Variants in CDC42BPB observed in about 807,000 individuals in gnomAD.
The protein encoded by CDC42BPB is serine/threonine-protein kinase MRCK beta.
CDC42BPB carries 37 observed loss-of-function variants against 214.9 expected under a neutral mutation model. The ratio of observed to expected loss-of-function variants is 0.17; its 90% CI spans 0.13 to 0.23. The LOEUF (loss-of-function observed/expected upper bound fraction) is 0.23. CDC42BPB is among the 10% of genes least tolerant of loss of function. CDC42BPB has a pLI of 1.00. For missense variants in CDC42BPB, 1,694 were observed against 2,227.0 expected, an observed-to-expected ratio of 0.76 and a Z score of 4.82; for synonymous variants, 931 against 884.0, an observed-to-expected ratio of 1.05 and a Z score of -0.94.
In CDC42BPB at chr14:103,055,358, G is replaced by A. The variant is rs189518246; in HGVS notation, c.175+1641C>T. Among the ~76,000 whole-genome samples the A allele has an allele frequency of 2.6e-3, 399 of 152,334 alleles. 1 individual carries two copies. Among genetic ancestry groups the A allele is most frequent in the Admixed American group, 5.3e-3 (81 of 15,294 alleles). ...GAATTACTTGAACCCAGGAGATGGA[G>A]GTTGTAGTGAGCCAAGATCATGCCA... On this transcript the variant is annotated intron_variant, in intron 1 of 36. Coordinates refer to ENST00000361246, the MANE Select transcript of CDC42BPB (RefSeq NM_006035.4).
chr14:102,956,431 G>T, intron 21 of CDC42BPB: 2 of 984,394 alleles, frequency 2.0e-6, no homozygotes, highest in South Asian at 4.7e-5. Flanking sequence ...GGGATAAGAA[G>T]TTTCTCAAAG....
At chr14:102,983,875 TG>T (rs1894118729) in intron 6 of CDC42BPB, 119 bp from the exon 7 acceptor site, 7 of 1,459,208 alleles carry the variant, frequency 4.8e-6, no homozygotes, top group Non-Finnish European at 6.3e-6. Context: ...ATAAAACTGA[TG>T]AATGATCGTG....
intron 1 of CDC42BPB, among the ~76,000 whole-genome samples, chr14:103,050,586 C>T (rs560904855): frequency 1.3e-5 from 2 of 152,034 alleles, no homozygotes; most frequent in African/African-American, 4.8e-5. Flanking sequence ...AGCAAGACCT[C>T]GTTTCCACAA....
rs759397523 is a variant in CDC42BPB, at chr14:103,008,532, A to G, written c.291T>C (p.Asn97=). ...FGEVAVVKMK[N]TERIYAMKIL... ...TTTTCATTGCATAAATTCGTTCAGT[A>G]TTCTTCATTTTGACAACAGCAACCT... Residue 97 remains asparagine (N), a synonymous_variant, in exon 3 of 37, where the codon AAT becomes AAC. Transcript: ENST00000361246. 1 of 1,612,392 alleles carries G rather than the reference A, an allele frequency of 6.2e-7. No homozygotes were observed. Among genetic ancestry groups the G allele is most frequent in the Non-Finnish European group, 8.5e-7 (1 of 1,178,368 alleles).
rs530300961 is a variant in CDC42BPB, at chr14:102,975,719, T to G, written c.1472A>C (p.Asn491Thr). Residue 491 changes from asparagine (N) to threonine (T), a missense_variant, in exon 11 of 37, where the codon AAT becomes ACT. This residue lies in a region of CDC42BPB where 462 missense variants were observed against 513.5 expected (regional missense o/e 0.90). Transcript: ENST00000361246. ...ATTCTTCAAGCGTTCGATTTCTTCA[T>G]TTAGCTTTTTGATTTCTTTATCTCG... ...SNRDKEIKKL[N>T]EEIERLKNKI... The G allele has an allele frequency of 1.5e-5, 25 of 1,613,910 alleles. No homozygotes were observed. The highest frequency in any genetic ancestry group is 2.1e-5 in the Non-Finnish European group (25 of 1,179,876).
At chr14:102,957,391 T>A (rs2139418183) in intron 21 of CDC42BPB, among the ~76,000 whole-genome samples, 1 of 152,236 alleles carries the variant, frequency 6.6e-6, no homozygotes, top group Admixed American at 6.5e-5. Flanking sequence ...TCTACTCTGT[T>A]AATGTTACAG....
chr14:102,948,764 T>C (rs1229156762), intron 26 of CDC42BPB, among the ~76,000 whole-genome samples: 3 of 150,906 alleles, frequency 2.0e-5, no homozygotes, highest in Admixed American at 1.3e-4. Context: ...GAAATGCTGT[T>C]CTGAAGAGGT....
intron 2 of CDC42BPB, among the ~76,000 whole-genome samples, chr14:103,011,659 G>C (rs1595143096): frequency 6.6e-6 from 1 of 152,154 alleles, no homozygotes; most frequent in Non-Finnish European, 1.5e-5. Context: ...CATGAGGATA[G>C]CTTGAACCCA....
chr14:102,967,208 G>A (rs775425437), intron 16 of CDC42BPB, 38 bp from the exon 17 acceptor site: 4 of 1,590,650 alleles, frequency 2.5e-6, no homozygotes, highest in South Asian at 1.1e-5. Context: ...CTTGTTAATC[G>A]GGCATCCTTT....
At chr14:102,991,683 A>G (rs1277532440) in intron 5 of CDC42BPB, among the ~76,000 whole-genome samples, 1 of 152,222 alleles carries the variant, frequency 6.6e-6, no homozygotes, top group Non-Finnish European at 1.5e-5. Context: ...GATGTATATA[A>G]TAGGAGCCAA....
chr14:102,948,071 C>CA, intron 26 of CDC42BPB: 2 of 645,394 alleles, frequency 3.1e-6, no homozygotes, highest in Non-Finnish European at 3.8e-6. Context: ...ATGCCAGTTA[C>CA]AGAAGACTCG....
chr14:103,017,786 C>T (rs1886548054), intron 1 of CDC42BPB, among the ~76,000 whole-genome samples: 3 of 152,354 alleles, frequency 2.0e-5, no homozygotes, highest in Admixed American at 2.0e-4. Flanking sequence ...CTGCAGCAAA[C>T]CCTTCCTTCT....
At chr14:102,984,052 C>T (rs1227934041) in intron 6 of CDC42BPB, 1 of 180,580 alleles carries the variant, frequency 5.5e-6, no homozygotes, top group East Asian at 1.9e-4. Flanking sequence ...AATTTAAAAA[C>T]CTCAATAATG....
At position 102,951,721 on chromosome 14, in the gene CDC42BPB, C is replaced by T. The variant is rs1361789161; in HGVS notation, c.3172+777G>A. Among the ~76,000 whole-genome samples, 3 of 151,948 alleles carry T rather than the reference C, an allele frequency of 2.0e-5. No homozygotes were observed. The East Asian group carries it at 5.8e-4, about 29-fold the overall frequency. On this transcript the variant is annotated intron_variant, in intron 24 of 36. Coordinates refer to ENST00000361246, the MANE Select transcript of CDC42BPB (RefSeq NM_006035.4). Reference sequence around the variant, plus strand: ...AGAATCACTTGAATCTGGGAGGCAGCGGTTGCAGTAAGCTGAAATTGAGCC... The same window carrying T: ...AGAATCACTTGAATCTGGGAGGCAGTGGTTGCAGTAAGCTGAAATTGAGCC...
chr14:103,009,611 C>T (rs1300042806), intron 2 of CDC42BPB, among the ~76,000 whole-genome samples: 4 of 152,210 alleles, frequency 2.6e-5, no homozygotes, highest in Admixed American at 6.5e-5. Flanking sequence ...TAAAAATAAC[C>T]GTAAACCATT....
At chr14:103,018,302 G>A (rs1373104703) in intron 1 of CDC42BPB, among the ~76,000 whole-genome samples, 1 of 152,198 alleles carries the variant, frequency 6.6e-6, no homozygotes, top group Non-Finnish European at 1.5e-5. Context: ...ATGGCAAACA[G>A]CTGGGGGAGG....
In CDC42BPB at chr14:102,944,662, C is replaced by T. The variant is rs563403033; in HGVS notation, c.3812-175G>A. ...CCGTCTCTGCCCACAGAGCCAGTGGCTTGAACGCCCCCCGGAGAAGCTGCC... is the reference window on the plus strand; with the variant it reads ...CCGTCTCTGCCCACAGAGCCAGTGGTTTGAACGCCCCCCGGAGAAGCTGCC... On this transcript the variant is annotated intron_variant, in intron 29 of 36. Coordinates refer to ENST00000361246, the MANE Select transcript of CDC42BPB (RefSeq NM_006035.4). The surrounding 1 kb of genome is among the most constrained non-coding windows in gnomAD (Gnocchi z 6.6). 6 of 985,354 alleles carry T rather than the reference C, an allele frequency of 6.1e-6. No individual in the cohort carries two copies. The highest frequency in any genetic ancestry group is 1.7e-5 in the African/African-American group (1 of 57,322). 61.0% of individuals were successfully genotyped at this position (985,354 alleles called of 1,614,324 possible). A position where few individuals can be genotyped will look rare whatever the true frequency, so the allele number is the denominator to read the frequency against.
intron 1 of CDC42BPB, among the ~76,000 whole-genome samples, chr14:103,019,711 T>C (rs1390718129): frequency 6.6e-6 from 1 of 152,066 alleles, no homozygotes; most frequent in Non-Finnish European, 1.5e-5. Context: ...CTTTAGCCTT[T>C]AGACAGCTTA....
intron 1 of CDC42BPB, among the ~76,000 whole-genome samples, chr14:103,022,951 A>G (rs1018029747): frequency 4.0e-5 from 6 of 151,770 alleles, no homozygotes; most frequent in African/African-American, 9.7e-5. Context: ...AGAACTGTTC[A>G]TTTACACACC....
Sources: allele counts gnomAD v4.1 joint callset (sites outside exome capture counted in the v4.1 genomes callset), GRCh38; gene constraint gnomAD v4.1.1; regional missense constraint gnomAD v4.1.1; non-coding constraint Gnocchi (gnomAD v3.1); transcripts MANE v1.5; gene names NCBI Gene and HGNC (gene_info 2026-07-23, HGNC 2026-07-21).